PTPRD: variants seen among roughly 807,000 people sequenced by gnomAD.
PTPRD encodes the protein receptor-type tyrosine-protein phosphatase delta.
In PTPRD, 34 loss-of-function variants were observed where a neutral mutation model predicts 214.5. That is an observed-to-expected ratio of 0.16 (90% CI 0.12 to 0.21). PTPRD has a LOEUF of 0.21. Ranked by LOEUF, PTPRD falls within the 10% of genes least tolerant of loss-of-function variation. PTPRD has a pLI of 1.00. For synonymous variants in PTPRD, 1,128 were observed against 845.7 expected, an observed-to-expected ratio of 1.33 and a Z score of -5.79; for missense variants, 2,545 against 2,398.7, an observed-to-expected ratio of 1.06 and a Z score of -1.27.
chr9:10,078,081 C>T (rs35929837), intron 3 of PTPRD, among the ~76,000 whole-genome samples: 33,745 of 151,230 alleles, frequency 0.22, 3,975 homozygotes, highest in South Asian at 0.31. Flanking sequence ...TTCCAAGGAC[C>T]CTGAGAAATA....
At chr9:10,313,199 A>T (rs149217777) in intron 3 of PTPRD, among the ~76,000 whole-genome samples, 91 of 152,032 alleles carry the variant, frequency 6.0e-4, no homozygotes, top group African/African-American at 2.1e-3. Context: ...TTGACAATTC[A>T]GTCCAGGAAA....
At position 8,488,547 on chromosome 9, in the gene PTPRD, T is replaced by G. The variant is rs2097084341; in HGVS notation, c.2468-2198A>C. Among the ~76,000 whole-genome samples the G allele has an allele frequency of 2.0e-5, 3 of 152,200 alleles. No homozygotes were observed. The South Asian group carries it at 6.2e-4, about 32-fold the overall frequency. On this transcript the variant is annotated intron_variant, in intron 27 of 45. Coordinates refer to ENST00000381196, the MANE Select transcript of PTPRD (RefSeq NM_002839.4). ...CATCATTGTGTACTCATTGTGTTCC[T>G]CAGGAAAAATGCATCCAGAGATCTT...
chr9:9,352,138 T>TC (rs1194802828), intron 9 of PTPRD, among the ~76,000 whole-genome samples: 3 of 151,754 alleles, frequency 2.0e-5, no homozygotes, highest in Non-Finnish European at 4.4e-5. Context: ...TTGATTTTTG[T>TC]CCCCCACATA....
At chr9:9,718,109 T>C (rs1323812355) in intron 7 of PTPRD, among the ~76,000 whole-genome samples, 1 of 152,140 alleles carries the variant, frequency 6.6e-6, no homozygotes, top group Non-Finnish European at 1.5e-5. Flanking sequence ...TTTACAAATA[T>C]CCTTCTTTAG....
chr9:9,934,554 T>G lies in PTPRD; in HGVS notation c.-368+3953A>C, dbSNP rs1477221871. Among the ~76,000 whole-genome samples, 7 of 151,366 alleles carry G rather than the reference T, an allele frequency of 4.6e-5. No homozygotes were observed. The East Asian group carries it at 5.8e-4, about 13-fold the overall frequency. On this transcript the variant is annotated intron_variant, in intron 5 of 45. Transcript: ENST00000381196. Reference sequence around the variant, plus strand: ...GAAGTTGAATCTCTGAATAGACCAATAACAGGATCTGAAATTATGGCAATA... The same window carrying G: ...GAAGTTGAATCTCTGAATAGACCAAGAACAGGATCTGAAATTATGGCAATA...
intron 14 of PTPRD, among the ~76,000 whole-genome samples, chr9:8,531,853 C>A (rs1160793713): frequency 6.6e-6 from 1 of 152,024 alleles, no homozygotes; most frequent in Non-Finnish European, 1.5e-5. Context: ...GATTTAATAA[C>A]CGTTTATAAG....
intron 11 of PTPRD, among the ~76,000 whole-genome samples, chr9:9,007,729 C>CTT (rs143276661): frequency 0.32 from 40,508 of 127,562 alleles, 7,015 homozygotes; most frequent in Middle Eastern, 0.42. Flanking sequence ...TTACTTGGAT[C>CTT]CTTTTTTTTT....
chr9:8,634,441 T>C (rs1419613510), intron 13 of PTPRD, among the ~76,000 whole-genome samples: 2 of 152,064 alleles, frequency 1.3e-5, no homozygotes, highest in Non-Finnish European at 2.9e-5. Context: ...TATGGGGTGC[T>C]TAATTCCAGA....
intron 39 of PTPRD, among the ~76,000 whole-genome samples, chr9:8,355,879 G>T (rs1212653606): frequency 1.3e-5 from 2 of 151,960 alleles, no homozygotes; most frequent in African/African-American, 2.4e-5. Context: ...CCACACTTTG[G>T]GTAATGAGGA....
At chr9:9,090,974 G>A in intron 10 of PTPRD, 10 of 1,576,770 alleles carry the variant, frequency 6.3e-6, no homozygotes, top group Non-Finnish European at 8.6e-6. Flanking sequence ...TGCACTAACT[G>A]TGCCCGATGC....
At chr9:9,275,119 T>A (rs10977630) in intron 9 of PTPRD, among the ~76,000 whole-genome samples, 21 of 53,498 alleles carry the variant, frequency 3.9e-4, no homozygotes, top group South Asian at 1.3e-3. Context: ...TATATATATA[T>A]TATATATATT....
At chr9:10,480,587 G>C (rs1177440720) in intron 2 of PTPRD, among the ~76,000 whole-genome samples, 2 of 151,646 alleles carry the variant, frequency 1.3e-5, no homozygotes, top group African/African-American at 4.8e-5. Flanking sequence ...AATGAAAACA[G>C]ATAATTTGAA....
intron 2 of PTPRD, among the ~76,000 whole-genome samples, chr9:10,392,838 T>C (rs2098095587): frequency 6.6e-6 from 1 of 151,868 alleles, no homozygotes; most frequent in Non-Finnish European, 1.5e-5. Context: ...ATTTTGGAAG[T>C]ACAGACATTT....
chr9:8,614,677 C>T (rs2154293880), intron 14 of PTPRD, among the ~76,000 whole-genome samples: 1 of 152,142 alleles, frequency 6.6e-6, no homozygotes, highest in Admixed American at 6.6e-5. Context: ...AGGGATCTGG[C>T]ACATTGGGAT....
intron 12 of PTPRD, among the ~76,000 whole-genome samples, chr9:8,665,571 C>T (rs1192433758): frequency 6.6e-6 from 1 of 152,306 alleles, no homozygotes; most frequent in East Asian, 1.9e-4. Context: ...TATTATTAGA[C>T]ATTCATTCTA....
intron 10 of PTPRD, among the ~76,000 whole-genome samples, chr9:9,036,371 A>T (rs1238324035): frequency 6.6e-6 from 1 of 152,166 alleles, no homozygotes; most frequent in African/African-American, 2.4e-5. Context: ...TGAGACAAAA[A>T]GGAAGTGATT....
chr9:8,960,426 G>C (rs2099152878), intron 11 of PTPRD, among the ~76,000 whole-genome samples: 1 of 152,056 alleles, frequency 6.6e-6, no homozygotes, highest in Non-Finnish European at 1.5e-5. Flanking sequence ...ACGTGTACTA[G>C]GACATTGTGC....
chr9:9,207,555 T>C (rs2099945642), intron 9 of PTPRD, among the ~76,000 whole-genome samples: 1 of 152,154 alleles, frequency 6.6e-6, no homozygotes, highest in Non-Finnish European at 1.5e-5. Context: ...TGGTCGAGCT[T>C]TGTAAAAATC....
At chr9:10,466,054 A>G (rs1269813333) in intron 2 of PTPRD, among the ~76,000 whole-genome samples, 2 of 152,180 alleles carry the variant, frequency 1.3e-5, no homozygotes, top group East Asian at 1.9e-4. Context: ...GCAATTCTCA[A>G]TTTGCAGTAG....
Sources: gnomAD v4.1 joint callset for allele counts (sites outside exome capture counted in the v4.1 genomes callset) on GRCh38, gnomAD v4.1.1 for gene constraint, MANE v1.5 for transcripts, NCBI Gene and HGNC (gene_info 2026-07-23, HGNC 2026-07-21) for gene names.